LDLRAD4: variants seen among roughly 807,000 people sequenced by gnomAD.
LDLRAD4 encodes low-density lipoprotein receptor class A domain-containing protein 4.
LDLRAD4 carries 5 observed loss-of-function variants against 17.0 expected under a neutral mutation model. The observed-to-expected ratio is 0.29, with a 90% CI of 0.15 to 0.62. LDLRAD4 has a LOEUF of 0.62. Ranked by LOEUF, LDLRAD4 falls within the 20% of genes least tolerant of loss-of-function variation. The probability of loss-of-function intolerance (pLI) is 0.84; values close to 1 mark genes in which losing one functional copy is unlikely to be tolerated. For synonymous variants in LDLRAD4, 168 were observed against 171.8 expected, an observed-to-expected ratio of 0.98 and a Z score of 0.17; for missense variants, 340 against 424.7, an observed-to-expected ratio of 0.80 and a Z score of 1.75.
At chr18:13,549,398 T>C (rs1412193857) in intron 3 of LDLRAD4, among the ~76,000 whole-genome samples, 1 of 152,084 alleles carries the variant, frequency 6.6e-6, no homozygotes, top group Non-Finnish European at 1.5e-5. Flanking sequence ...GGAGCTGCCA[T>C]GGTCCCCAGC....
At chr18:13,296,771 G>A (rs1199287870) in intron 1 of LDLRAD4, among the ~76,000 whole-genome samples, 3 of 152,176 alleles carry the variant, frequency 2.0e-5, no homozygotes, top group Non-Finnish European at 4.4e-5. Context: ...CATCCATTCT[G>A]CCACTATTTT....
In LDLRAD4 at chr18:13,475,427, A is replaced by ATTTT. The variant is rs35255496; in HGVS notation, c.181+37059_181+37062dup. 2.7e-4 allele frequency among the ~76,000 whole-genome samples: 36 copies of ATTTT among 131,128 alleles called. 1 individual carries two copies. Among genetic ancestry groups the ATTTT allele is most frequent in the African/African-American group, 3.6e-4 (13 of 35,620 alleles). The allele number at this position is 131,128 out of a possible 152,430, so 86.0% of individuals were successfully genotyped here. ...TGGTGCTCGCCACCACACCCCGCTG[A>ATTTT]TTTTTTTTTTTTTTTTTTTGTAAAG... On this transcript the variant is annotated intron_variant, in intron 3 of 5. Coordinates refer to ENST00000359446, the Ensembl canonical transcript of LDLRAD4.
chr18:13,348,497 C>T (rs2082837323), intron 1 of LDLRAD4, among the ~76,000 whole-genome samples: 1 of 152,138 alleles, frequency 6.6e-6, no homozygotes, highest in South Asian at 2.1e-4. Flanking sequence ...GGGGTGCCTC[C>T]CAGTTAGGCT....
At chr18:13,348,898 G>A (rs965378725) in intron 1 of LDLRAD4, among the ~76,000 whole-genome samples, 2 of 152,224 alleles carry the variant, frequency 1.3e-5, no homozygotes, top group East Asian at 1.9e-4. Context: ...CTCCTGGTGT[G>A]ATGTTTGCTA....
chr18:13,260,670 C>T (rs533222984), intron 1 of LDLRAD4, among the ~76,000 whole-genome samples: 2 of 152,346 alleles, frequency 1.3e-5, no homozygotes, highest in East Asian at 1.9e-4. Context: ...GCCACCCTCT[C>T]CCTCCCTCCT....
At chr18:13,436,811 C>T (rs918067303) in intron 2 of LDLRAD4, among the ~76,000 whole-genome samples, 5 of 152,360 alleles carry the variant, frequency 3.3e-5, no homozygotes, top group Non-Finnish European at 7.3e-5. Flanking sequence ...GCGCCGCTAG[C>T]GAGGCGCTTG....
chr18:13,620,993 C>A, intron 3 of LDLRAD4, 124 bp from the exon 5 acceptor site: 1 of 1,344,870 alleles, frequency 7.4e-7, no homozygotes, highest in Non-Finnish European at 1.0e-6. Context: ...GTCCTGCTGG[C>A]CTCTGAGGAA....
intron 2 of LDLRAD4, among the ~76,000 whole-genome samples, chr18:13,431,375 A>G (rs2090323871): frequency 6.6e-6 from 1 of 152,222 alleles, no homozygotes; most frequent in Admixed American, 6.5e-5. Flanking sequence ...GAAAACCACA[A>G]AAGCAAATTC....
At chr18:13,475,211 C>A (rs2092907178) in intron 3 of LDLRAD4, among the ~76,000 whole-genome samples, 1 of 152,176 alleles carries the variant, frequency 6.6e-6, no homozygotes, top group African/African-American at 2.4e-5. Context: ...ACAATTCTTT[C>A]TCCCAGTATG....
intron 1 of LDLRAD4, among the ~76,000 whole-genome samples, chr18:13,284,847 G>A (rs1008018391): frequency 5.3e-5 from 8 of 152,194 alleles, no homozygotes; most frequent in African/African-American, 1.9e-4. Context: ...GAGATGACTC[G>A]CCCGTGGCAG....
intron 3 of LDLRAD4, among the ~76,000 whole-genome samples, chr18:13,534,523 C>G (rs2094174203): frequency 6.6e-6 from 1 of 151,808 alleles, no homozygotes; most frequent in South Asian, 2.1e-4. Flanking sequence ...GCTTTATAAT[C>G]TTTCTTGAAG....
chr18:13,394,295 T>G (rs2086492257), intron 2 of LDLRAD4, among the ~76,000 whole-genome samples: 1 of 152,188 alleles, frequency 6.6e-6, no homozygotes, highest in Admixed American at 6.5e-5. Context: ...CTATACTGTT[T>G]CAAGATAATC....
chr18:13,226,484 C>T (rs1321962427), intron 1 of LDLRAD4, among the ~76,000 whole-genome samples: 9 of 151,518 alleles, frequency 5.9e-5, no homozygotes, highest in Admixed American at 3.3e-4. Flanking sequence ...TTGTCAATGC[C>T]GAATATTATT....
intron 3 of LDLRAD4, chr18:13,543,507 T>C (rs1015738462): frequency 3.3e-5 from 5 of 152,244 alleles, no homozygotes; most frequent in African/African-American, 1.2e-4. Context: ...TTTAGAATCC[T>C]GAAGGAGGTT....
At chr18:13,517,977 G>A (rs2147598734) in intron 3 of LDLRAD4, among the ~76,000 whole-genome samples, 1 of 152,220 alleles carries the variant, frequency 6.6e-6, no homozygotes, top group Non-Finnish European at 1.5e-5. Flanking sequence ...CTTGTGATCT[G>A]CCCGCCTCGG....
At position 13,295,817 on chromosome 18, in the gene LDLRAD4, T is replaced by C. The variant is rs145874569; in HGVS notation, c.-383+17629T>C. Among the ~76,000 whole-genome samples, 482 of 152,356 alleles carry C rather than the reference T, an allele frequency of 3.2e-3. 1 individual carries two copies. The highest frequency in any genetic ancestry group is 0.011 in the African/African-American group (465 of 41,596). ...ACCATCATGTATATATTTTGATATG[T>C]GTGCTTTTAATGTTTGTACAAAAAG... On this transcript the variant is annotated intron_variant, in intron 1 of 5. Transcript: ENST00000359446.
chr18:13,325,638 A>G (rs558959609), intron 1 of LDLRAD4, among the ~76,000 whole-genome samples: 1 of 152,216 alleles, frequency 6.6e-6, no homozygotes, highest in South Asian at 2.1e-4. Flanking sequence ...GGCCCTTTCC[A>G]GGCCGATCCC....
At chr18:13,495,183 T>C (rs1179003301) in intron 3 of LDLRAD4, among the ~76,000 whole-genome samples, 1 of 152,186 alleles carries the variant, frequency 6.6e-6, no homozygotes, top group Non-Finnish European at 1.5e-5. Context: ...TGTACACCAG[T>C]AAATCTACAG....
intron 3 of LDLRAD4, among the ~76,000 whole-genome samples, chr18:13,483,552 T>C (rs141615806): frequency 6.8e-4 from 104 of 152,310 alleles, no homozygotes; most frequent in African/African-American, 2.4e-3. Flanking sequence ...GTCACATCTA[T>C]CCTGAGTGGG....
Sources: allele counts gnomAD v4.1 joint callset (sites outside exome capture counted in the v4.1 genomes callset), GRCh38; gene constraint gnomAD v4.1.1; transcripts MANE v1.5; gene names NCBI Gene and HGNC (gene_info 2026-07-23, HGNC 2026-07-21).